The following CRLS1 variants were observed in gnomAD, a reference collection of about 807,000 sequenced individuals.
CRLS1 encodes cardiolipin synthase 1.
CRLS1 carries 24 observed loss-of-function variants against 37.0 expected under a neutral mutation model. That is an observed-to-expected ratio of 0.65 (90% CI 0.47 to 0.91). CRLS1 has a LOEUF of 0.91. Among genes scored for constraint, CRLS1 ranks in the 40% least tolerant of loss-of-function variants. The pLI is 0.00. For missense variants in CRLS1, 373 were observed against 395.8 expected (o/e 0.94, Z 0.49); for synonymous variants, 135 against 159.7 (o/e 0.85, Z 1.17).
intron 3 of CRLS1, among the ~76,000 whole-genome samples, chr20:6,022,337 T>A (rs954075881): frequency 3.3e-5 from 1 of 30,412 alleles, no homozygotes; most frequent in East Asian, 1.1e-3. Flanking sequence ...ATCCATTGCT[T>A]TTTTTTTTTT....
At chr20:6,023,928 A>G (rs1377713072) in intron 3 of CRLS1, among the ~76,000 whole-genome samples, 1 of 148,990 alleles carries the variant, frequency 6.7e-6, no homozygotes, top group South Asian at 2.1e-4. Context: ...TTTCTAACAT[A>G]TGTGCTCATT....
rs200647465 is a variant in CRLS1, at chr20:6,037,198, A to G, written c.*40A>G. ...CACTGTTAGTAAGGAAGCAGTATAC[A>G]TCAATGGGAACAGGGCCCATGGAAA... On this transcript the variant is annotated 3_prime_UTR_variant, in exon 7 of 7. Transcript: ENST00000378863. 2.3e-5 allele frequency: 34 copies of G among 1,452,054 alleles called. No individual in the cohort carries two copies. In the Admixed American group the frequency reaches 4.7e-4, roughly 20 times the overall value. The allele number at this position is 1,452,054 out of a possible 1,614,324, so 89.9% of individuals were successfully genotyped here.
At chr20:6,035,776 C>T (rs563552455) in intron 6 of CRLS1, among the ~76,000 whole-genome samples, 13 of 151,878 alleles carry the variant, frequency 8.6e-5, no homozygotes, top group African/African-American at 1.7e-4. Context: ...CATGTGCCAC[C>T]ACCACACCTG....
chr20:6,009,797 C>T lies in CRLS1; in HGVS notation c.329C>T (p.Pro110Leu), dbSNP rs371425827. Residue 110 changes from proline to leucine, a missense_variant, in exon 2 of 7, where the codon CCG becomes CTG. Physicochemically the swap from Pro to Leu is moderately conservative, Grantham distance 98. Transcript: ENST00000378863. ...CAGTATGAAAACCCATGGACAATCCCGAATATGTTGTCAATGACGAGAATT... is the reference window on the plus strand; with the variant it reads ...CAGTATGAAAACCCATGGACAATCCTGAATATGTTGTCAATGACGAGAATT... The part of the protein sequence containing the change: ...PSLYENPWTI[P>L]NMLSMTRIGL... The T allele has an allele frequency of 3.4e-5, 55 of 1,613,082 alleles. No individual in the cohort carries two copies. Among genetic ancestry groups the T allele is most frequent in the Non-Finnish European group, 4.4e-5 (52 of 1,179,504 alleles).
chr20:6,009,784 C>G lies in CRLS1; in HGVS notation c.316C>G (p.Pro106Ala), dbSNP rs1208597775. Reference protein sequence around the residue: ...PASTPSLYENPWTIPNMLSMT... With the variant: ...PASTPSLYENAWTIPNMLSMT... ...TGTCTTTGTGTTTCAGTATGAAAACCCATGGACAATCCCGAATATGTTGTC... is the reference window on the plus strand; with the variant it reads ...TGTCTTTGTGTTTCAGTATGAAAACGCATGGACAATCCCGAATATGTTGTC... The change falls in exon 2 of 7, where the codon CCA (proline) becomes GCA (alanine). Residue 106 changes from proline (P) to alanine (A), a missense_variant. Physicochemically the swap from Pro to Ala is conservative, Grantham distance 27 (BLOSUM62 -1). Coordinates refer to ENST00000378863, the MANE Select transcript of CRLS1 (RefSeq NM_019095.6). The G allele has an allele frequency of 1.2e-6, 2 of 1,611,920 alleles. No individual in the cohort carries two copies. Among genetic ancestry groups the G allele is most frequent in the African/African-American group, 2.7e-5 (2 of 74,784 alleles).
At chr20:6,029,440 C>CT (rs1251795939) in intron 3 of CRLS1, among the ~76,000 whole-genome samples, 1 of 147,752 alleles carries the variant, frequency 6.8e-6, no homozygotes, top group Admixed American at 6.9e-5. Flanking sequence ...TCTTGGCTTG[C>CT]TGCAGCCTCT....
At chr20:6,018,401 C>T (rs1003198079) in intron 3 of CRLS1, among the ~76,000 whole-genome samples, 6 of 152,036 alleles carry the variant, frequency 3.9e-5, no homozygotes, top group East Asian at 3.9e-4. Flanking sequence ...TTAATGACAA[C>T]GTATTTCTTC....
rs964818878 is a variant in CRLS1 at position 6,039,770 on chromosome 20, C to G, written c.*2612C>G. ...AAAAAAAAAAAAAAGGAAATGTGAACAGAGAGAGAATGCCGTGAGATGATG... is the reference window on the plus strand; with the variant it reads ...AAAAAAAAAAAAAAGGAAATGTGAAGAGAGAGAGAATGCCGTGAGATGATG... On this transcript the variant is annotated 3_prime_UTR_variant, in exon 7 of 7. Transcript: ENST00000378863. 1 of 147,164 alleles carries G rather than the reference C, an allele frequency of 6.8e-6. No individual in the cohort carries two copies. The highest frequency in any genetic ancestry group is 2.5e-5 in the African/African-American group (1 of 39,622). The allele number at this position is 147,164 out of a possible 1,614,324, so 9.1% of individuals were successfully genotyped here.
rs57874755 is a variant in CRLS1, at chr20:6,018,216, CAAAAAAA to C, written c.574+2741_574+2747del. On this transcript the variant is annotated intron_variant, in intron 3 of 6. Coordinates refer to ENST00000378863, the MANE Select transcript of CRLS1 (RefSeq NM_019095.6). ...GAGTGATGGAGTGAGACTCTGTCCT[CAAAAAAA>C]AAAAAAAAAAAAAATTATTTTCTTA... Among the ~76,000 whole-genome samples, 18 of 78,352 alleles carry C rather than the reference CAAAAAAA, an allele frequency of 2.3e-4. 1 individual carries two copies. In the East Asian group the frequency reaches 6.3e-3, roughly 27 times the overall value. The allele number at this position is 78,352 out of a possible 152,430, so 51.4% of individuals were successfully genotyped here. A position where few individuals can be genotyped will look rare whatever the true frequency, so the allele number is the denominator to read the frequency against.
At position 6,022,412 on chromosome 20, in the gene CRLS1, C is replaced by T. The variant is rs148023553; in HGVS notation, c.574+6922C>T. Among the ~76,000 whole-genome samples, 25 of 143,082 alleles carry T rather than the reference C, an allele frequency of 1.7e-4. 1 individual carries two copies. The East Asian group carries it at 5.3e-3, about 30-fold the overall frequency. The allele number at this position is 143,082 out of a possible 152,430, so 93.9% of individuals were successfully genotyped here. A position where few individuals can be genotyped will look rare whatever the true frequency, so the allele number is the denominator to read the frequency against. On this transcript the variant is annotated intron_variant, in intron 3 of 6. Coordinates refer to ENST00000378863, the MANE Select transcript of CRLS1 (RefSeq NM_019095.6). The stretch of plus-strand genomic sequence containing the variant: ...GGAGTGCAGTGGTGTGATCTCGGCT[C>T]ACTGCATTCTCTGCCTCCCGGGCTC...
At chr20:6,024,526 A>G (rs1190473327) in intron 3 of CRLS1, among the ~76,000 whole-genome samples, 2 of 152,176 alleles carry the variant, frequency 1.3e-5, no homozygotes, top group African/African-American at 4.8e-5. Flanking sequence ...AGGCCTCCCT[A>G]TTCCCTGAGA....
chr20:6,026,253 T>C (rs1979681665), intron 3 of CRLS1: 1 of 152,232 alleles, frequency 6.6e-6, no homozygotes, highest in Non-Finnish European at 1.5e-5. Flanking sequence ...GATCCTCTAC[T>C]AGCAAAAAGA....
intron 3 of CRLS1, among the ~76,000 whole-genome samples, chr20:6,019,457 A>G (rs1979037923): frequency 6.8e-6 from 1 of 148,058 alleles, no homozygotes; most frequent in Non-Finnish European, 1.5e-5. Context: ...TAACCTTTTG[A>G]TGTCTGTAGG....
chr20:6,016,302 G>A (rs554325691), intron 3 of CRLS1, among the ~76,000 whole-genome samples: 1 of 152,290 alleles, frequency 6.6e-6, no homozygotes, highest in African/African-American at 2.4e-5. Flanking sequence ...TGGCATTTCA[G>A]TCTAGTCTCC....
chr20:6,006,217 C>G lies in CRLS1; in HGVS notation c.-30C>G. On this transcript the variant is annotated 5_prime_UTR_variant, in exon 1 of 7. Transcript: ENST00000378863. ...GTCCCAGGCTGCTGAGCTCTCGCCG[C>G]CCGAGACCCCGCGGCGCGGCCGCAG... 1 of 1,202,294 alleles carries G rather than the reference C, an allele frequency of 8.3e-7. No individual in the cohort carries two copies. Among genetic ancestry groups the G allele is most frequent in the Non-Finnish European group, 1.0e-6 (1 of 964,440 alleles). 74.5% of individuals were successfully genotyped at this position (1,202,294 alleles called of 1,614,324 possible).
chr20:6,014,585 C>T (rs1028959394), intron 2 of CRLS1, among the ~76,000 whole-genome samples: 1 of 152,080 alleles, frequency 6.6e-6, no homozygotes, highest in Non-Finnish European at 1.5e-5. Flanking sequence ...TGATTTCAGT[C>T]CATTTTGTGG....
chr20:6,022,066 T>A (rs557720657), intron 3 of CRLS1, among the ~76,000 whole-genome samples: 123 of 152,322 alleles, frequency 8.1e-4, no homozygotes, highest in Non-Finnish European at 1.9e-4. Context: ...TACTTTTTGC[T>A]AGTCTGTCTT....
intron 3 of CRLS1, among the ~76,000 whole-genome samples, chr20:6,029,995 C>T (rs984242256): frequency 2.6e-5 from 4 of 152,100 alleles, no homozygotes; most frequent in Admixed American, 2.6e-4. Flanking sequence ...ATAAGTATAG[C>T]CTCCAATAAT....
chr20:6,018,215 T>TGAAAA (rs1978914982), intron 3 of CRLS1, among the ~76,000 whole-genome samples: 1 of 14,006 alleles, frequency 7.1e-5, no homozygotes, highest in East Asian at 1.2e-3. Flanking sequence ...GACTCTGTCC[T>TGAAAA]CAAAAAAAAA....
Sources: allele counts gnomAD v4.1 joint callset (sites outside exome capture counted in the v4.1 genomes callset), GRCh38; gene constraint gnomAD v4.1.1; transcripts MANE v1.5; gene names NCBI Gene and HGNC (gene_info 2026-07-23, HGNC 2026-07-21).